ARHGAP6: variants seen among roughly 807,000 people sequenced by gnomAD.
ARHGAP6 encodes Rho GTPase activating protein 6, also known as rho GTPase-activating protein 6.
Under a neutral mutation model 55.7 loss-of-function variants are expected in ARHGAP6, and 16 were observed. The observed-to-expected ratio is 0.29, with a 90% confidence interval of 0.19 to 0.44. The LOEUF is 0.44. Ranked by LOEUF, ARHGAP6 falls within the 20% of genes least tolerant of loss-of-function variation. ARHGAP6 has a pLI of 1.00. For missense variants in ARHGAP6, 698 were observed against 808.9 expected, an observed-to-expected ratio of 0.86 and a Z score of 1.66; for synonymous variants, 382 against 360.9, an observed-to-expected ratio of 1.06 and a Z score of -0.66.
At chrX:11,332,101 A>T (rs920351348) in intron 1 of ARHGAP6, among the ~76,000 whole-genome samples, 11 of 111,770 alleles carry the variant, frequency 9.8e-5, no homozygotes, top group African/African-American at 3.3e-5. Flanking sequence ...GGTTTAGCTC[A>T]AGTGTGGTTC....
intron 1 of ARHGAP6, among the ~76,000 whole-genome samples, chrX:11,654,851 G>A (rs1195111575): frequency 1.8e-5 from 2 of 111,594 alleles, no homozygotes; most frequent in East Asian, 2.8e-4. Context: ...AACAAGATGT[G>A]GCAACAACAT....
chrX:11,404,292 G>C (rs1180241486), intron 1 of ARHGAP6, among the ~76,000 whole-genome samples: 2 of 110,933 alleles, frequency 1.8e-5, no homozygotes, highest in Non-Finnish European at 3.8e-5. Context: ...CAGGATCGAG[G>C]TCATCCTTGC....
At chrX:11,558,708 C>T (rs752397589) in intron 1 of ARHGAP6, among the ~76,000 whole-genome samples, 15 of 106,612 alleles carry the variant, frequency 1.4e-4, no homozygotes, top group South Asian at 4.3e-4. Flanking sequence ...TAGTGGTGGA[C>T]GCTTGTAATC....
At chrX:11,572,355 C>T (rs1469140570) in intron 1 of ARHGAP6, among the ~76,000 whole-genome samples, 4 of 108,946 alleles carry the variant, frequency 3.7e-5, no homozygotes, top group Non-Finnish European at 3.8e-5. Flanking sequence ...CACCCCACAA[C>T]AGTCATCAGA....
intron 1 of ARHGAP6, among the ~76,000 whole-genome samples, chrX:11,614,785 A>T (rs948152522): frequency 8.9e-6 from 1 of 112,253 alleles, no homozygotes; most frequent in Non-Finnish European, 1.9e-5. Context: ...GATTACTGGG[A>T]GAGGCGAAGA....
At chrX:11,245,477 C>T (rs1350750421) in intron 2 of ARHGAP6, among the ~76,000 whole-genome samples, 1 of 111,398 alleles carries the variant, frequency 9.0e-6, no homozygotes, top group Non-Finnish European at 1.9e-5. Flanking sequence ...AAGAAGTTCC[C>T]GTCCACCTTA....
chrX:11,508,785 C>T (rs190740408), intron 1 of ARHGAP6, among the ~76,000 whole-genome samples: 3 of 108,734 alleles, frequency 2.8e-5, no homozygotes, highest in East Asian at 5.8e-4. Context: ...TCAGCTTCCT[C>T]GTCTCTTCAC....
At chrX:11,471,225 T>A (rs1027187762) in intron 1 of ARHGAP6, among the ~76,000 whole-genome samples, 2 of 111,753 alleles carry the variant, frequency 1.8e-5, no homozygotes, top group Non-Finnish European at 3.8e-5. Context: ...TTAAAAAGAA[T>A]GTAGTAATTA....
At chrX:11,325,091 C>T (rs1273212660) in intron 1 of ARHGAP6, among the ~76,000 whole-genome samples, 1 of 112,071 alleles carries the variant, frequency 8.9e-6, no homozygotes, top group African/African-American at 3.2e-5. Context: ...ATCTCCTGAC[C>T]TCATGATCCA....
chrX:11,396,301 C>T (rs1255777059), intron 1 of ARHGAP6, among the ~76,000 whole-genome samples: 1 of 109,831 alleles, frequency 9.1e-6, no homozygotes, highest in African/African-American at 3.3e-5. Context: ...GAAGACACTT[C>T]CCTGATGGTC....
chrX:11,657,444 G>A (rs5978457), intron 1 of ARHGAP6, among the ~76,000 whole-genome samples: 15,109 of 107,505 alleles, frequency 0.14, 1,013 homozygotes, highest in Middle Eastern at 0.26. Context: ...AATAAAGGAG[G>A]AAACAAAAAA....
At chrX:11,448,425 A>C (rs2050113861) in intron 1 of ARHGAP6, among the ~76,000 whole-genome samples, 1 of 111,744 alleles carries the variant, frequency 8.9e-6, no homozygotes, top group South Asian at 3.8e-4. Context: ...ACAGATCCAC[A>C]ATTCTTATCC....
intron 1 of ARHGAP6, among the ~76,000 whole-genome samples, chrX:11,634,816 T>G (rs1385622698): frequency 8.9e-6 from 1 of 111,988 alleles, no homozygotes; most frequent in African/African-American, 3.2e-5. Flanking sequence ...CCACACACAT[T>G]TGTAATCTCA....
chrX:11,549,519 C>T (rs956920218), intron 1 of ARHGAP6, among the ~76,000 whole-genome samples: 8 of 112,015 alleles, frequency 7.1e-5, no homozygotes, highest in Non-Finnish European at 1.1e-4. Flanking sequence ...ATCTAATATG[C>T]AGCCAAGGTT....
intron 1 of ARHGAP6, among the ~76,000 whole-genome samples, chrX:11,543,013 C>T (rs2051175608): frequency 9.0e-6 from 1 of 111,570 alleles, no homozygotes; most frequent in Non-Finnish European, 1.9e-5. Flanking sequence ...GGAAGGGTCT[C>T]CTTTGGGTAG....
At chrX:11,459,979 A>G (rs1408586965) in intron 1 of ARHGAP6, among the ~76,000 whole-genome samples, 1 of 112,043 alleles carries the variant, frequency 8.9e-6, no homozygotes, top group Non-Finnish European at 1.9e-5. Flanking sequence ...GAATTAAAAG[A>G]TGGCCTGCAA....
Position 11,546,369 on chromosome X carries a change from C to A in ARHGAP6, c.588+117872G>T, listed in dbSNP as rs377492121. ...CTTTAAAATATATATTATGAAATTCCTGTAAAATATAATAATAAAGACTAG... is the reference window on the plus strand; with the variant it reads ...CTTTAAAATATATATTATGAAATTCATGTAAAATATAATAATAAAGACTAG... On this transcript the variant is annotated intron_variant, in intron 1 of 12. Coordinates refer to ENST00000337414, the MANE Select transcript of ARHGAP6 (RefSeq NM_013427.3). Among the ~76,000 whole-genome samples, 63 of 110,879 alleles carry A rather than the reference C, an allele frequency of 5.7e-4. 1 individual carries two copies. In the South Asian group the frequency reaches 0.023, roughly 40 times the overall value.
intron 1 of ARHGAP6, among the ~76,000 whole-genome samples, chrX:11,282,818 A>G (rs1044580084): frequency 8.9e-6 from 1 of 112,334 alleles, no homozygotes; most frequent in African/African-American, 3.2e-5. Context: ...GTTCAAAAAT[A>G]TAGTCTATGT....
intron 1 of ARHGAP6, among the ~76,000 whole-genome samples, chrX:11,344,678 C>CAAAAAAAAAAAA (rs34123570): frequency 4.6e-4 from 13 of 28,267 alleles, no homozygotes; most frequent in African/African-American, 6.0e-4. Context: ...AACTCCATCA[C>CAAAAAAAAAAAA]AAAAAAAAAA....
Sources: allele counts gnomAD v4.1 joint callset (sites outside exome capture counted in the v4.1 genomes callset), GRCh38; gene constraint gnomAD v4.1.1; transcripts MANE v1.5; gene names NCBI Gene and HGNC (gene_info 2026-07-23, HGNC 2026-07-21).